RTEL1: variants seen among roughly 807,000 people sequenced by gnomAD.
The protein encoded by RTEL1 is regulator of telomere length.
Under a neutral mutation model 162.2 loss-of-function variants are expected in RTEL1, and 86 were observed. That is an observed-to-expected ratio of 0.53 (90% CI 0.45 to 0.63). RTEL1 has a LOEUF of 0.63. RTEL1 is among the 30% of genes least tolerant of loss of function. RTEL1 has a pLI of 0.00. For synonymous variants in RTEL1, 958 were observed against 717.9 expected, an observed-to-expected ratio of 1.33 and a Z score of -5.35; for missense variants, 1,941 against 1,750.2, an observed-to-expected ratio of 1.11 and a Z score of -1.95.
chr20:63,693,787 G>A lies in RTEL1; in HGVS notation c.2992+504G>A, dbSNP rs570248082. Among the ~76,000 whole-genome samples the A allele has an allele frequency of 3.5e-5, 3 of 86,500 alleles. No homozygotes were observed. The South Asian group carries it at 1.4e-3, about 41-fold the overall frequency. The allele number at this position is 86,500 out of a possible 152,430, so 56.7% of individuals were successfully genotyped here. On this transcript the variant is annotated intron_variant, in intron 30 of 34. Transcript: ENST00000360203. ...TCCACCAGCAGCAGCATCACTTGTT[G>A]GGGAGACCCTGTGCAACTCCATGCA...
In RTEL1 at chr20:63,661,852, T is replaced by C. The variant is rs754769101; in HGVS notation, c.304T>C (p.Cys102Arg). ...TGTGCTTGCTTGTGTCTGGTCAGCT[T>C]GCTACACGGACATCCCAAAGATTAT... The part of the protein sequence containing the change: ...AAAAAGDPIA[C>R]YTDIPKIIYA... Residue 102 changes from cysteine to arginine, a missense_variant and splice_region_variant, in exon 4 of 35, where the codon TGC becomes CGC. Transcript: ENST00000360203. The surrounding 1 kb of genome is among the most constrained non-coding windows in gnomAD (Gnocchi z 5.1). 8.1e-6 allele frequency: 13 copies of C among 1,613,932 alleles called. No homozygotes were observed. Among genetic ancestry groups the C allele is most frequent in the Non-Finnish European group, 1.0e-5 (12 of 1,179,850 alleles).
intron 1 of RTEL1, 94 bp from the exon 2 acceptor site, chr20:63,659,139 C>T (rs932522226): frequency 2.1e-6 from 1 of 483,772 alleles, no homozygotes. Flanking sequence ...TGCTCTCCAA[C>T]CCTCTCCGCA....
intron 6 of RTEL1, among the ~76,000 whole-genome samples, chr20:63,664,389 C>T (rs368451340): frequency 3.9e-5 from 6 of 152,326 alleles, no homozygotes; most frequent in African/African-American, 1.4e-4. Flanking sequence ...AAGGGCAGTG[C>T]CCCGGTGGCT....
At position 63,686,228 on chromosome 20, in the gene RTEL1, G is replaced by A. The variant is rs192601925; in HGVS notation, c.1348+356G>A. The A allele has an allele frequency of 1.4e-4, 47 of 342,066 alleles. 1 individual carries two copies. Among genetic ancestry groups the A allele is most frequent in the Admixed American group, 9.8e-4 (22 of 22,504 alleles). 21.2% of individuals were successfully genotyped at this position (342,066 alleles called of 1,614,324 possible). A position where few individuals can be genotyped will look rare whatever the true frequency, so the allele number is the denominator to read the frequency against. On this transcript the variant is annotated intron_variant, in intron 16 of 34. Coordinates refer to ENST00000360203, the MANE Select transcript of RTEL1 (RefSeq NM_001283009.2). ...GCTCTGCCTGCTGCCTCCACGCAGCGCCTGGCCGGGCCAAGCCTCAGGGTC... is the reference window on the plus strand; with the variant it reads ...GCTCTGCCTGCTGCCTCCACGCAGCACCTGGCCGGGCCAAGCCTCAGGGTC...
chr20:63,693,414 A>G, intron 30 of RTEL1, 131 bp downstream of exon 30: 2 of 1,088,292 alleles, frequency 1.8e-6, no homozygotes, highest in East Asian at 2.5e-5. Flanking sequence ...TATGGGAGTG[A>G]TGGGGGCCTC....
At position 63,685,587 on chromosome 20, in the gene RTEL1, A is replaced by G; in HGVS notation, c.1256A>G (p.Gln419Arg). ...PGSPAGLGALQSYKVHIHPDA... is the reference protein window; with the variant it reads ...PGSPAGLGALRSYKVHIHPDA... Reference sequence around the variant, plus strand: ...TCCCCAGCAGGGCTGGGGGCCTTACAGTCCTATAAGGTAGGGGCCACCTCC... The same window carrying G: ...TCCCCAGCAGGGCTGGGGGCCTTACGGTCCTATAAGGTAGGGGCCACCTCC... The change falls in exon 15 of 35, where the codon CAG (glutamine) becomes CGG (arginine). Residue 419 changes from glutamine to arginine, a missense_variant. Gln to Arg is a conservative substitution (Grantham distance 43). Transcript: ENST00000360203. The G allele has an allele frequency of 2.5e-6, 4 of 1,611,416 alleles. No homozygotes were observed. The highest frequency in any genetic ancestry group is 3.4e-6 in the Non-Finnish European group (4 of 1,179,490).
rs537641304 is a variant in RTEL1 at position 63,682,555 on chromosome 20, A to G, written c.1191+1836A>G. The G allele has an allele frequency of 2.8e-4, 273 of 985,908 alleles. 2 individuals carry two copies. The Middle Eastern group carries it at 3.1e-3, about 11-fold the overall frequency. 61.1% of individuals were successfully genotyped at this position (985,908 alleles called of 1,614,324 possible). A position where few individuals can be genotyped will look rare whatever the true frequency, so the allele number is the denominator to read the frequency against. ...TGGAATTTCCTTTGGCTGCTGCTCT[A>G]AGTAGCCGCTGGTGGATGACTCAGC... On this transcript the variant is annotated intron_variant, in intron 14 of 34. Transcript: ENST00000360203.
chr20:63,689,100 G>A lies in RTEL1; in HGVS notation c.1846G>A (p.Gly616Ser), dbSNP rs768926890. 8 of 1,610,394 alleles carry A rather than the reference G, an allele frequency of 5.0e-6. No individual in the cohort carries two copies. The highest frequency in any genetic ancestry group is 4.5e-5 in the East Asian group (2 of 44,884). Residue 616 changes from glycine to serine, a missense_variant, in exon 22 of 35, where the codon GGC (glycine) becomes AGC (serine). By Grantham distance (56) the Gly-to-Ser change is moderately conservative (BLOSUM62 0). Coordinates refer to ENST00000360203, the MANE Select transcript of RTEL1 (RefSeq NM_001283009.2). ...AAGGGTTGCCGCCCCTGGGTCCACC[G>A]GCGCCACCTTCCTGGCGGTCTGCCG... ...YARVAAPGST[G>S]ATFLAVCRGK...
In RTEL1 at chr20:63,679,903, C is replaced by T. The variant is rs1298132699; in HGVS notation, c.1092C>T (p.Cys364=). The stretch of plus-strand genomic sequence containing the variant: ...AGATCACGTTTCAGACCAAGGGCTG[C>T]ATCCTGGACTCGCTGGACCAGATCA... The part of the protein sequence containing the change: ...EAQITFQTKG[C]ILDSLDQIIQ... The change falls in exon 13 of 35, where the codon TGC becomes TGT. Residue 364 remains cysteine, a synonymous_variant. Transcript: ENST00000360203. 9 of 1,612,436 alleles carry T rather than the reference C, an allele frequency of 5.6e-6. No individual in the cohort carries two copies. The highest frequency in any genetic ancestry group is 2.7e-5 in the African/African-American group (2 of 74,902).
chr20:63,666,988 C>A (rs145832440), intron 7 of RTEL1, among the ~76,000 whole-genome samples: 1 of 151,908 alleles, frequency 6.6e-6, no homozygotes, highest in Non-Finnish European at 1.5e-5. Flanking sequence ...TACAGGTGCC[C>A]GCCACCACGT....
chr20:63,694,269 G>C (rs1298851279), intron 30 of RTEL1, 103 bp from the exon 31 acceptor site: 1 of 1,006,210 alleles, frequency 9.9e-7, no homozygotes, highest in Non-Finnish European at 1.6e-6. Context: ...GCCCTGGTCT[G>C]AGGTGGGTGA....
At chr20:63,658,963 G>A (rs557854793) in intron 1 of RTEL1, among the ~76,000 whole-genome samples, 15 of 152,346 alleles carry the variant, frequency 9.8e-5, no homozygotes, top group African/African-American at 2.9e-4. Flanking sequence ...TGCCTCTTCA[G>A]CCCTCACGCT....
rs144034326 is a variant in RTEL1, at chr20:63,693,226, C to T, written c.2935C>T (p.Arg979Trp). 8.7e-5 allele frequency: 140 copies of T among 1,612,110 alleles called. No homozygotes were observed. The highest frequency in any genetic ancestry group is 3.3e-4 in the Middle Eastern group (2 of 6,056). ...GCTGACAGGACGAGGCTGTGGCTAT[C>T]GGCCTGAGCACAGCATTCCCCGAAG... ...IQLTGRGCGY[R>W]PEHSIPRRQR... The change falls in exon 30 of 35, where the codon CGG becomes TGG. Residue 979 changes from arginine (R) to tryptophan (W), a missense_variant. By Grantham distance (101) the Arg-to-Trp change is moderately radical (BLOSUM62 -3). Coordinates refer to ENST00000360203, the MANE Select transcript of RTEL1 (RefSeq NM_001283009.2).
At position 63,661,270 on chromosome 20, in the gene RTEL1, C is replaced by G. The variant is rs770865936; in HGVS notation, c.103-28C>G. The G allele has an allele frequency of 6.2e-7, 1 of 1,604,666 alleles. No individual in the cohort carries two copies. Among genetic ancestry groups the G allele is most frequent in the East Asian group, 2.2e-5 (1 of 44,732 alleles). Reference sequence around the variant, plus strand: ...TGGCCTCGCCTCTTCCTGGCTTCCCCGTAACCCTTGCTCCGAACTCCGTTC... The same window carrying G: ...TGGCCTCGCCTCTTCCTGGCTTCCCGGTAACCCTTGCTCCGAACTCCGTTC... On this transcript the variant is annotated intron_variant, in intron 2 of 34. Transcript: ENST00000360203. The surrounding 1 kb of genome is among the most constrained non-coding windows in gnomAD (Gnocchi z 5.1).
chr20:63,667,035 T>C (rs1489847082), intron 7 of RTEL1, among the ~76,000 whole-genome samples: 1 of 150,432 alleles, frequency 6.6e-6, no homozygotes, highest in African/African-American at 2.5e-5. Flanking sequence ...GAGACGGGGT[T>C]TCACCGTGTT....
At chr20:63,680,814 A>T in intron 14 of RTEL1, 95 bp downstream of exon 14, 3 of 1,573,946 alleles carry the variant, frequency 1.9e-6, no homozygotes, top group Non-Finnish European at 2.6e-6. Flanking sequence ...AGACTTGGGG[A>T]TGGGAGAAAG....
chr20:63,693,444 AG>A (rs2090825790), intron 30 of RTEL1, among the ~76,000 whole-genome samples, 161 bp downstream of exon 30: 9 of 126,988 alleles, frequency 7.1e-5, no homozygotes, highest in Non-Finnish European at 1.0e-4. Flanking sequence ...CACCAGCACC[AG>A]CAGCACCACC....
At chr20:63,672,469 G>T (rs1356428911) in intron 8 of RTEL1, 87 bp from the exon 9 acceptor site, 24 of 1,107,728 alleles carry the variant, frequency 2.2e-5, no homozygotes, top group Non-Finnish European at 3.1e-5. Flanking sequence ...CGCTTGTGAT[G>T]TTCGATGCCT....
intron 9 of RTEL1, among the ~76,000 whole-genome samples, chr20:63,673,596 G>A (rs547499013): frequency 7.2e-5 from 11 of 151,888 alleles, no homozygotes; most frequent in African/African-American, 1.2e-4. Context: ...ACACCACCAC[G>A]CCCGGCTAAT....
Sources: gnomAD v4.1 joint callset for allele counts (sites outside exome capture counted in the v4.1 genomes callset) on GRCh38, gnomAD v4.1.1 for gene constraint, Gnocchi (gnomAD v3.1) non-coding constraint, MANE v1.5 for transcripts, NCBI Gene and HGNC (gene_info 2026-07-23, HGNC 2026-07-21) for gene names.